The following PTPRD variants were observed in gnomAD, a reference collection of about 807,000 sequenced individuals.
The protein encoded by PTPRD is protein tyrosine phosphatase receptor type D, also known as receptor-type tyrosine-protein phosphatase delta.
A neutral mutation model predicts 214.5 loss-of-function variants in PTPRD; 34 were observed. The ratio of observed to expected loss-of-function variants is 0.16; its 90% CI spans 0.12 to 0.21. The LOEUF (loss-of-function observed/expected upper bound fraction) is 0.21, where lower values mean the gene tolerates loss of function less well. Ranked by LOEUF, PTPRD falls within the 10% of genes least tolerant of loss-of-function variation. The pLI is 1.00. For synonymous variants in PTPRD, 1,128 were observed against 845.7 expected (o/e 1.33, Z -5.79); for missense variants, 2,545 against 2,398.7 (o/e 1.06, Z -1.27).
In PTPRD at chr9:9,762,699, C is replaced by G. The variant is rs139827420; in HGVS notation, c.-326+4111G>C. On this transcript the variant is annotated intron_variant, in intron 6 of 45. Coordinates refer to ENST00000381196, the MANE Select transcript of PTPRD (RefSeq NM_002839.4). ...TCCTCATTTCTACATAAGACTTCAT[C>G]AGAACCGCATATATTTCTTTCATGC... Among the ~76,000 whole-genome samples the G allele has an allele frequency of 2.8e-3, 434 of 152,318 alleles. 5 individuals are homozygous for G. Among genetic ancestry groups the G allele is most frequent in the African/African-American group, 0.01 (417 of 41,576 alleles).
At chr9:8,658,778 T>C (rs2096967364) in intron 12 of PTPRD, among the ~76,000 whole-genome samples, 1 of 152,074 alleles carries the variant, frequency 6.6e-6, no homozygotes, top group African/African-American at 2.4e-5. Context: ...TGAGGCGGTA[T>C]CTATTTCTAC....
At chr9:10,008,158 G>T (rs1003765969) in intron 4 of PTPRD, among the ~76,000 whole-genome samples, 1 of 152,008 alleles carries the variant, frequency 6.6e-6, no homozygotes, top group East Asian at 1.9e-4. Flanking sequence ...TTGGCCCAGG[G>T]AACCTCAGAG....
intron 2 of PTPRD, among the ~76,000 whole-genome samples, chr9:10,434,793 T>A (rs575266408): frequency 3.3e-4 from 50 of 151,944 alleles, no homozygotes; most frequent in Non-Finnish European, 6.0e-4. Flanking sequence ...CAATGAGAAC[T>A]TTATTATATG....
chr9:8,508,579 G>GA (rs1301508245), intron 21 of PTPRD, among the ~76,000 whole-genome samples: 1 of 144,042 alleles, frequency 6.9e-6, no homozygotes, highest in African/African-American at 2.7e-5. Context: ...TATATTTAAA[G>GA]AAAAAAAGAG....
At chr9:9,833,475 G>A (rs955127939) in intron 5 of PTPRD, among the ~76,000 whole-genome samples, 2 of 151,934 alleles carry the variant, frequency 1.3e-5, no homozygotes, top group African/African-American at 4.8e-5. Context: ...CCACAGGACC[G>A]AGGCGAAATT....
intron 5 of PTPRD, among the ~76,000 whole-genome samples, chr9:9,881,751 G>C (rs2068776737): frequency 6.6e-6 from 1 of 152,076 alleles, no homozygotes; most frequent in Non-Finnish European, 1.5e-5. Flanking sequence ...TCTGCAGCTG[G>C]ATTTTCAGAG....
chr9:10,092,211 G>A (rs1019752626), intron 3 of PTPRD, among the ~76,000 whole-genome samples: 1 of 151,452 alleles, frequency 6.6e-6, no homozygotes, highest in African/African-American at 2.4e-5. Flanking sequence ...CTTGCTGTGT[G>A]TCAAGCAATA....
chr9:8,756,238 G>C (rs1254860172), intron 11 of PTPRD, among the ~76,000 whole-genome samples: 2 of 152,038 alleles, frequency 1.3e-5, no homozygotes, highest in Non-Finnish European at 2.9e-5. Context: ...AGTTTCCCTG[G>C]TTGCTCTGTT....
intron 2 of PTPRD, among the ~76,000 whole-genome samples, chr9:10,466,424 G>C (rs994389054): frequency 6.6e-6 from 1 of 151,908 alleles, no homozygotes; most frequent in Non-Finnish European, 1.5e-5. Context: ...GGGAGTTCGA[G>C]ACCAGCCTGA....
In PTPRD at chr9:10,372,279, T is replaced by C. The variant is rs191440374; in HGVS notation, c.-599-31262A>G. Among the ~76,000 whole-genome samples, 553 of 152,290 alleles carry C rather than the reference T, an allele frequency of 3.6e-3. 4 individuals carry two copies. The highest frequency in any genetic ancestry group is 4.1e-3 in the Non-Finnish European group (279 of 68,020). ...ATGAAATTATATGATAAATTATTCA[T>C]ATCAATGCCCTCTGTTTTGTTGTTT... On this transcript the variant is annotated intron_variant, in intron 2 of 45. Transcript: ENST00000381196.
At chr9:9,865,215 G>C (rs921950432) in intron 5 of PTPRD, among the ~76,000 whole-genome samples, 8 of 152,104 alleles carry the variant, frequency 5.3e-5, no homozygotes, top group African/African-American at 1.9e-4. Context: ...ATTTACATTT[G>C]AAAATCAGGT....
intron 9 of PTPRD, among the ~76,000 whole-genome samples, chr9:9,254,929 A>G (rs1327098846): frequency 2.6e-5 from 4 of 152,054 alleles, no homozygotes; most frequent in African/African-American, 9.6e-5. Flanking sequence ...CTACAGTTTT[A>G]TATCTCCTCT....
At chr9:8,432,589 G>A (rs80110274) in intron 35 of PTPRD, among the ~76,000 whole-genome samples, 5,567 of 152,226 alleles carry the variant, frequency 0.037, 292 homozygotes, top group African/African-American at 0.12. Flanking sequence ...AAAATAATCA[G>A]GTGTTTGAAA....
chr9:9,707,505 T>C (rs936495344), intron 7 of PTPRD, among the ~76,000 whole-genome samples: 27 of 152,262 alleles, frequency 1.8e-4, no homozygotes, highest in Admixed American at 1.6e-3. Flanking sequence ...AATAATTCAT[T>C]CCTAAACAAT....
At chr9:9,387,519 C>A (rs1374873042) in intron 9 of PTPRD, among the ~76,000 whole-genome samples, 2 of 152,072 alleles carry the variant, frequency 1.3e-5, no homozygotes, top group African/African-American at 4.8e-5. Context: ...GGTGGTTTCA[C>A]TGAATATAGG....
chr9:9,956,935 G>A (rs2093974250), intron 4 of PTPRD, among the ~76,000 whole-genome samples: 1 of 152,074 alleles, frequency 6.6e-6, no homozygotes, highest in Non-Finnish European at 1.5e-5. Flanking sequence ...TGTTATAACT[G>A]CCCATAGGTG....
In PTPRD at chr9:9,199,582, T is replaced by C. The variant is rs568882469; in HGVS notation, c.-202-16219A>G. Among the ~76,000 whole-genome samples, 3 of 152,264 alleles carry C rather than the reference T, an allele frequency of 2.0e-5. No individual in the cohort carries two copies. In the South Asian group the frequency reaches 6.2e-4, roughly 32 times the overall value. ...GTGTTATAAAGGAAACCAAGATCAATTTAAACCTAGAGAAAGTTTTAGCCA... is the reference window on the plus strand; with the variant it reads ...GTGTTATAAAGGAAACCAAGATCAACTTAAACCTAGAGAAAGTTTTAGCCA... On this transcript the variant is annotated intron_variant, in intron 9 of 45. Transcript: ENST00000381196.
intron 5 of PTPRD, among the ~76,000 whole-genome samples, chr9:9,868,610 A>T (rs975057512): frequency 3.3e-5 from 5 of 152,018 alleles, no homozygotes; most frequent in East Asian, 1.9e-4. Context: ...TAAAAAAAAA[A>T]ATCCCTGAGC....
intron 11 of PTPRD, among the ~76,000 whole-genome samples, chr9:8,919,731 G>C (rs148232956): frequency 2.8e-4 from 42 of 151,368 alleles, no homozygotes; most frequent in African/African-American, 1.0e-3. Context: ...ACGCATGCAT[G>C]CACACACATA....
Sources: allele counts gnomAD v4.1 joint callset (sites outside exome capture counted in the v4.1 genomes callset), GRCh38; gene constraint gnomAD v4.1.1; transcripts MANE v1.5; gene names NCBI Gene and HGNC (gene_info 2026-07-23, HGNC 2026-07-21).